The following CAMK1D variants were observed in gnomAD, a reference collection of about 807,000 sequenced individuals.
CAMK1D encodes the protein calcium/calmodulin dependent protein kinase ID.
In CAMK1D, 9 loss-of-function variants were observed where a neutral mutation model predicts 47.7. The observed-to-expected ratio is 0.19, with a 90% confidence interval of 0.11 to 0.33. CAMK1D has a LOEUF of 0.33. Among genes scored for constraint, CAMK1D ranks in the 10% least tolerant of loss-of-function variants. The pLI, the probability that CAMK1D is intolerant of heterozygous loss-of-function variation, is 1.00. For synonymous variants in CAMK1D, 184 were observed against 184.9 expected (o/e 0.99, Z 0.04); for missense variants, 291 against 488.7 (o/e 0.60, Z 3.81).
At chr10:12,580,979 G>A (rs1010736858) in intron 2 of CAMK1D, among the ~76,000 whole-genome samples, 1 of 152,072 alleles carries the variant, frequency 6.6e-6, no homozygotes, top group Non-Finnish European at 1.5e-5. Flanking sequence ...AGATTTTGGT[G>A]CACCCATCAT....
At chr10:12,694,584 CATATATAA>C (rs1833180077) in intron 3 of CAMK1D, among the ~76,000 whole-genome samples, 2 of 70,834 alleles carry the variant, frequency 2.8e-5, no homozygotes, top group Admixed American at 1.8e-4. Flanking sequence ...AAAAATATAT[CATATATAA>C]ATATATAATA....
chr10:12,655,366 C>A (rs1462571443), intron 2 of CAMK1D, among the ~76,000 whole-genome samples: 1 of 152,112 alleles, frequency 6.6e-6, no homozygotes, highest in Non-Finnish European at 1.5e-5. Flanking sequence ...ACCCCATGTT[C>A]AAGCATTGAG....
intron 3 of CAMK1D, among the ~76,000 whole-genome samples, chr10:12,755,024 A>G (rs541181654): frequency 6.6e-6 from 1 of 152,346 alleles, no homozygotes; most frequent in Admixed American, 6.5e-5. Context: ...AGGTGGCTAA[A>G]TATAGCCAGT....
chr10:12,620,016 C>G (rs1838941917), intron 2 of CAMK1D, among the ~76,000 whole-genome samples: 1 of 151,890 alleles, frequency 6.6e-6, no homozygotes, highest in Admixed American at 6.6e-5. Flanking sequence ...TTGTATGTAT[C>G]AGTAGTTGTT....
rs145784270 is a variant in CAMK1D, at chr10:12,658,053, G to C, written c.225-8683G>C. Among the ~76,000 whole-genome samples the C allele has an allele frequency of 4.6e-3, 701 of 152,190 alleles. 3 individuals are homozygous for C. The highest frequency in any genetic ancestry group is 0.016 in the African/African-American group (644 of 41,512). On this transcript the variant is annotated intron_variant, in intron 2 of 10. Coordinates refer to ENST00000619168, the MANE Select transcript of CAMK1D (RefSeq NM_153498.4). ...TAGTCCTAGCTACTCGGGAGGCTGA[G>C]AGGAGAATTGCTTGAGCCCAGGAGG...
At chr10:12,360,433 G>A (rs1448624487) in intron 1 of CAMK1D, among the ~76,000 whole-genome samples, 3 of 152,118 alleles carry the variant, frequency 2.0e-5, no homozygotes, top group Non-Finnish European at 2.9e-5. Context: ...AGGAGGTATC[G>A]GAGTGACCAG....
intron 4 of CAMK1D, among the ~76,000 whole-genome samples, chr10:12,767,304 A>G (rs1400084614): frequency 6.6e-6 from 1 of 151,986 alleles, no homozygotes; most frequent in African/African-American, 2.4e-5. Flanking sequence ...CAGCCTCCTG[A>G]GTAGCTGGGA....
rs972908863 is a variant in CAMK1D at position 12,730,946 on chromosome 10, G to A, written c.300-30002G>A. Among the ~76,000 whole-genome samples the A allele has an allele frequency of 2.6e-5, 4 of 152,202 alleles. No homozygotes were observed. The South Asian group carries it at 6.2e-4, about 24-fold the overall frequency. On this transcript the variant is annotated intron_variant, in intron 3 of 10. Transcript: ENST00000619168. ...AGTCTCCTGGGGAGAGGATTTAAAT[G>A]TGAGAATGAAAGAGTATGTTTGAGA...
intron 3 of CAMK1D, among the ~76,000 whole-genome samples, chr10:12,693,499 C>G (rs1160888380): frequency 6.6e-6 from 1 of 151,796 alleles, no homozygotes; most frequent in East Asian, 1.9e-4. Flanking sequence ...AAAAAAAAGC[C>G]TAGGTGGACA....
At position 12,778,734 on chromosome 10, in the gene CAMK1D, G is replaced by A. The variant is rs141486659; in HGVS notation, c.565+8935G>A. On this transcript the variant is annotated intron_variant, in intron 5 of 10. Transcript: ENST00000619168. ...CTCTCTAAAAAAATAGTAGGTGGGT[G>A]TGGTGGCACACACCTGTAGTCCCAG... 7.5e-4 allele frequency among the ~76,000 whole-genome samples: 114 copies of A among 152,242 alleles called. 2 individuals are homozygous for A. Among genetic ancestry groups the A allele is most frequent in the African/African-American group, 2.7e-3 (111 of 41,552 alleles).
chr10:12,561,849 C>T (rs1312521720), intron 2 of CAMK1D, among the ~76,000 whole-genome samples: 1 of 152,206 alleles, frequency 6.6e-6, no homozygotes, highest in Admixed American at 6.5e-5. Flanking sequence ...GCTTATAGCA[C>T]TCCCTGAATT....
At chr10:12,580,867 T>A (rs544756505) in intron 2 of CAMK1D, among the ~76,000 whole-genome samples, 1 of 152,342 alleles carries the variant, frequency 6.6e-6, no homozygotes, top group East Asian at 1.9e-4. Flanking sequence ...TGGCCAGCAT[T>A]CTGTGGGGGC....
intron 1 of CAMK1D, among the ~76,000 whole-genome samples, chr10:12,518,095 G>GT (rs1164153029): frequency 1.3e-5 from 2 of 152,082 alleles, no homozygotes; most frequent in East Asian, 1.9e-4. Flanking sequence ...CAGATTGCCT[G>GT]TTTTTTCTCA....
chr10:12,633,845 A>C (rs1839444674), intron 2 of CAMK1D, among the ~76,000 whole-genome samples: 1 of 152,142 alleles, frequency 6.6e-6, no homozygotes, highest in Admixed American at 6.5e-5. Context: ...GCGTCAGCCA[A>C]CTTTCCCAGC....
At chr10:12,616,028 T>G (rs1375906761) in intron 2 of CAMK1D, among the ~76,000 whole-genome samples, 1 of 151,528 alleles carries the variant, frequency 6.6e-6, no homozygotes, top group Non-Finnish European at 1.5e-5. Context: ...TGTTGCTGTG[T>G]GTGTGGGTGT....
At chr10:12,689,637 C>T (rs1832794335) in intron 3 of CAMK1D, among the ~76,000 whole-genome samples, 1 of 151,870 alleles carries the variant, frequency 6.6e-6, no homozygotes, top group Non-Finnish European at 1.5e-5. Context: ...TTAGCCAGGC[C>T]TGGTAGTGCA....
Position 12,710,828 on chromosome 10 carries a change from C to T in CAMK1D, c.299+44018C>T, listed in dbSNP as rs540907723. The stretch of plus-strand genomic sequence containing the variant: ...ACATCCAGGCTGAACACAACCCCAC[C>T]GGCGATATGTACCTCCGAGTGTACA... On this transcript the variant is annotated intron_variant, in intron 3 of 10. Transcript: ENST00000619168. Among the ~76,000 whole-genome samples, 261 of 152,244 alleles carry T rather than the reference C, an allele frequency of 1.7e-3. 1 individual carries two copies. The highest frequency in any genetic ancestry group is 2.9e-3 in the Non-Finnish European group (199 of 68,026).
chr10:12,822,482 T>C (rs567036101), intron 8 of CAMK1D, among the ~76,000 whole-genome samples: 20 of 152,344 alleles, frequency 1.3e-4, no homozygotes, highest in African/African-American at 4.3e-4. Context: ...ACACAGAGTA[T>C]AGGCAGCAGG....
At position 12,357,078 on chromosome 10, in the gene CAMK1D, C is replaced by T. The variant is rs139022540; in HGVS notation, c.92+7168C>T. Among the ~76,000 whole-genome samples the T allele has an allele frequency of 4.3e-3, 649 of 152,236 alleles. 6 individuals are homozygous for T. The highest frequency in any genetic ancestry group is 2.7e-3 in the East Asian group (14 of 5,182). On this transcript the variant is annotated intron_variant, in intron 1 of 10. Transcript: ENST00000619168. ...CTCCTCCTGCTTCTCCTCCTCTCTCCTCTGGGAGGGCTTAGGCATGGGTCC... is the reference window on the plus strand; with the variant it reads ...CTCCTCCTGCTTCTCCTCCTCTCTCTTCTGGGAGGGCTTAGGCATGGGTCC...
Sources: gnomAD v4.1 joint callset for allele counts (sites outside exome capture counted in the v4.1 genomes callset) on GRCh38, gnomAD v4.1.1 for gene constraint, MANE v1.5 for transcripts, NCBI Gene and HGNC (gene_info 2026-07-23, HGNC 2026-07-21) for gene names.